Variants in PRKN observed in about 807,000 individuals in gnomAD.
PRKN encodes parkin RBR E3 ubiquitin protein ligase.
PRKN carries 56 observed loss-of-function variants against 59.5 expected under a neutral mutation model. That is an observed-to-expected ratio of 0.94 (90% CI 0.76 to 1.18). The LOEUF (loss-of-function observed/expected upper bound fraction) is 1.18. Ranked by LOEUF, PRKN falls within the 50% of genes most tolerant of loss-of-function variation. The pLI is 0.00. For synonymous variants in PRKN, 250 were observed against 222.1 expected, an observed-to-expected ratio of 1.13 and a Z score of -1.12; for missense variants, 657 against 596.4, an observed-to-expected ratio of 1.10 and a Z score of -1.06.
At chr6:162,146,983 G>A (rs9458468) in intron 4 of PRKN, among the ~76,000 whole-genome samples, 5,191 of 151,466 alleles carry the variant, frequency 0.034, 285 homozygotes, top group African/African-American at 0.12. Context: ...CACCGGCCTC[G>A]GCCTCCCAAA....
chr6:161,874,123 A>ATATG (rs1794491523), intron 6 of PRKN, among the ~76,000 whole-genome samples: 2 of 77,926 alleles, frequency 2.6e-5, no homozygotes, highest in African/African-American at 1.1e-4. Context: ...AATATAATAT[A>ATATG]TAATATATAT....
At chr6:162,668,587 G>C (rs1246165227) in intron 1 of PRKN, among the ~76,000 whole-genome samples, 1 of 152,098 alleles carries the variant, frequency 6.6e-6, no homozygotes, top group East Asian at 1.9e-4. Context: ...ATAAGTGGCT[G>C]TGTATGGGGG....
intron 9 of PRKN, among the ~76,000 whole-genome samples, chr6:161,408,338 C>T (rs893575783): frequency 2.1e-5 from 3 of 142,078 alleles, no homozygotes; most frequent in Non-Finnish European, 4.6e-5. Flanking sequence ...AAAAAAAAAG[C>T]CCATCAGCAT....
At chr6:161,899,126 C>T (rs1235175386) in intron 6 of PRKN, among the ~76,000 whole-genome samples, 1 of 152,226 alleles carries the variant, frequency 6.6e-6, no homozygotes, top group Admixed American at 6.5e-5. Flanking sequence ...GTCAGCGTGG[C>T]CCAGACAGTG....
At chr6:162,003,207 C>CA (rs60792069) in intron 5 of PRKN, among the ~76,000 whole-genome samples, 301 of 124,976 alleles carry the variant, frequency 2.4e-3, no homozygotes, top group Non-Finnish European at 3.5e-3. Context: ...AGGTTGTTGA[C>CA]AAAAAAAAAA....
At chr6:162,673,107 C>T (rs1779397791) in intron 1 of PRKN, among the ~76,000 whole-genome samples, 1 of 152,156 alleles carries the variant, frequency 6.6e-6, no homozygotes, top group Non-Finnish European at 1.5e-5. Flanking sequence ...AATATAGTCA[C>T]TGCCCATCCA....
intron 1 of PRKN, among the ~76,000 whole-genome samples, chr6:162,626,250 T>G (rs1782886770): frequency 6.6e-6 from 1 of 152,216 alleles, no homozygotes. Flanking sequence ...TGTGATGTTT[T>G]AAACAAAAAC....
chr6:161,766,255 T>G (rs1789416748), intron 7 of PRKN, among the ~76,000 whole-genome samples: 1 of 151,880 alleles, frequency 6.6e-6, no homozygotes, highest in Admixed American at 6.6e-5. Flanking sequence ...GATAAAGTAT[T>G]GATATGGAAG....
At chr6:162,278,922 A>G (rs975275643) in intron 2 of PRKN, among the ~76,000 whole-genome samples, 1 of 152,164 alleles carries the variant, frequency 6.6e-6, no homozygotes, top group Non-Finnish European at 1.5e-5. Context: ...GGGACTCTGG[A>G]GAAAGGTTGT....
rs529279839 is a variant in PRKN at position 162,548,925 on chromosome 6, A to G, written c.8-105452T>C. ...CTGCTGACTAAGGAAGGTAAAGGGT[A>G]TCCTCCACAGGAGGTGGGAATTCTT... is the stretch of plus-strand genomic sequence containing the variant. On this transcript the variant is annotated intron_variant, in intron 1 of 11. Transcript: ENST00000366898. Among the ~76,000 whole-genome samples the G allele has an allele frequency of 2.4e-4, 36 of 152,296 alleles. No individual in the cohort carries two copies. The East Asian group carries it at 3.9e-3, about 16-fold the overall frequency.
chr6:162,198,130 T>C (rs1359905615), intron 4 of PRKN, among the ~76,000 whole-genome samples: 1 of 152,130 alleles, frequency 6.6e-6, no homozygotes, highest in Non-Finnish European at 1.5e-5. Flanking sequence ...GGGTCAATGA[T>C]ATGCAGAGCA....
At chr6:162,231,708 T>C (rs59939703) in intron 3 of PRKN, among the ~76,000 whole-genome samples, 63,583 of 152,072 alleles carry the variant, frequency 0.42, 15,207 homozygotes, top group East Asian at 0.78. Flanking sequence ...CCGAATATGC[T>C]GAGGTTTTGG....
At chr6:161,821,945 C>T (rs1792050375) in intron 6 of PRKN, among the ~76,000 whole-genome samples, 1 of 151,856 alleles carries the variant, frequency 6.6e-6, no homozygotes, top group Admixed American at 6.6e-5. Flanking sequence ...GACGGGGTTT[C>T]ACCATGTGGA....
rs114888616 is a variant in PRKN, at chr6:162,501,065, G to A, written c.8-57592C>T. ...GCCTGTAGTACCAACAACTCAGGGAGGTTGTGGCGAGACGATTGCTTGAAT... is the reference window on the plus strand; with the variant it reads ...GCCTGTAGTACCAACAACTCAGGGAAGTTGTGGCGAGACGATTGCTTGAAT... On this transcript the variant is annotated intron_variant, in intron 1 of 11. Coordinates refer to ENST00000366898, the MANE Select transcript of PRKN (RefSeq NM_004562.3). 5.0e-3 allele frequency among the ~76,000 whole-genome samples: 755 copies of A among 152,202 alleles called. 7 individuals are homozygous for A. Among genetic ancestry groups the A allele is most frequent in the African/African-American group, 0.018 (731 of 41,550 alleles).
intron 1 of PRKN, among the ~76,000 whole-genome samples, chr6:162,520,478 A>C (rs1231563247): frequency 1.3e-5 from 2 of 152,124 alleles, no homozygotes; most frequent in Admixed American, 6.6e-5. Context: ...CCTCTTGCCC[A>C]AGTGCTGCTA....
At position 161,843,047 on chromosome 6, in the gene PRKN, G is replaced by A. The variant is rs1367050587; in HGVS notation, c.735-57139C>T. Among the ~76,000 whole-genome samples, 12 of 152,290 alleles carry A rather than the reference G, an allele frequency of 7.9e-5. 1 individual carries two copies. In the East Asian group the frequency reaches 1.9e-3, roughly 25 times the overall value. On this transcript the variant is annotated intron_variant, in intron 6 of 11. Coordinates refer to ENST00000366898, the MANE Select transcript of PRKN (RefSeq NM_004562.3). ...ATCCTTGGAGGAGAGAAGTCTGAGGGACAGCCTGCTACTGTATTTAAATTG... is the reference window on the plus strand; with the variant it reads ...ATCCTTGGAGGAGAGAAGTCTGAGGAACAGCCTGCTACTGTATTTAAATTG...
At position 161,546,179 on chromosome 6, in the gene PRKN, C is replaced by G. The variant is rs1228069215; in HGVS notation, c.1083+2675G>C. ...TGATTAAATATTAAATAAATCTGCA[C>G]TTAACTCTGTGCCAGGAACTATTCT... On this transcript the variant is annotated intron_variant, in intron 9 of 11. Transcript: ENST00000366898. This position sits in a 1 kb window ranked among gnomAD's most constrained non-coding sequence, Gnocchi z 4.4. Among the ~76,000 whole-genome samples, 1 of 152,188 alleles carries G rather than the reference C, an allele frequency of 6.6e-6. No individual in the cohort carries two copies. The highest frequency in any genetic ancestry group is 2.1e-4 in the South Asian group (1 of 4,832).
chr6:162,147,607 A>G (rs977259171), intron 4 of PRKN, among the ~76,000 whole-genome samples: 1 of 152,150 alleles, frequency 6.6e-6, no homozygotes, highest in Non-Finnish European at 1.5e-5. Context: ...TACCTTACAG[A>G]TTTATATTTT....
At chr6:161,906,363 C>CATTTGCCCAGCAAGGTTGAA (rs1778144605) in intron 6 of PRKN, among the ~76,000 whole-genome samples, 1 of 152,186 alleles carries the variant, frequency 6.6e-6, no homozygotes. Context: ...AACTTCTTCT[C>CATTTGCCCAGCAAGGTTGAA]AGAACCTTGC....
Sources: allele counts gnomAD v4.1 joint callset (sites outside exome capture counted in the v4.1 genomes callset), GRCh38; gene constraint gnomAD v4.1.1; non-coding constraint Gnocchi (gnomAD v3.1); transcripts MANE v1.5; gene names NCBI Gene and HGNC (gene_info 2026-07-23, HGNC 2026-07-21).